SBK2: variants seen among roughly 807,000 people sequenced by gnomAD.
SBK2 encodes the protein serine/threonine-protein kinase SBK2.
SBK2 carries 18 observed loss-of-function variants against 15.9 expected under a neutral mutation model. The ratio of observed to expected loss-of-function variants is 1.13; its 90% CI spans 0.78 to 1.68. The LOEUF (loss-of-function observed/expected upper bound fraction) is 1.68, where lower values mean the gene tolerates loss of function less well. SBK2 is among the 40% of genes most tolerant of loss of function. SBK2 has a pLI of 0.00. For synonymous variants in SBK2, 284 were observed against 246.8 expected, an observed-to-expected ratio of 1.15 and a Z score of -1.41; for missense variants, 581 against 510.9, an observed-to-expected ratio of 1.14 and a Z score of -1.32.
Position 55,529,935 on chromosome 19 carries a change from G to A in SBK2, c.845C>T (p.Ala282Val), listed in dbSNP as rs186998770. The stretch of plus-strand genomic sequence containing the variant: ...AGGGCGGTCCCGGGGCTGGCCCGAC[G>A]CCTGCCAGATGAGGAAGTCCTCGTA... ...PFYEDFLIWQ[A>V]SGQPRDRPQP... The change falls in exon 4 of 4, where the codon GCG becomes GTG. Residue 282 changes from alanine to valine, a missense_variant. Physicochemically the swap from Ala to Val is moderately conservative, Grantham distance 64. Coordinates refer to ENST00000413299, the MANE Select transcript of SBK2 (RefSeq NM_001370096.2). 5.2e-6 allele frequency: 8 copies of A among 1,525,504 alleles called. No homozygotes were observed. The Admixed American group carries it at 1.3e-4, about 25-fold the overall frequency. The allele number at this position is 1,525,504 out of a possible 1,614,324, so 94.5% of individuals were successfully genotyped here.
intron 3 of SBK2, 85 bp downstream of exon 3, chr19:55,531,052 AGTGGCT>A: frequency 8.1e-7 from 1 of 1,232,260 alleles, no homozygotes; most frequent in Admixed American, 1.8e-5. Context: ...GGCCCAACGC[AGTGGCT>A]GTGGCTCCTG....
Position 55,536,220 on chromosome 19 carries a change from G to T in SBK2, c.75C>A (p.Gly25=), listed in dbSNP as rs200266213. The change falls in exon 2 of 4, where the codon GGC becomes GGA. Residue 25 remains glycine, a synonymous_variant. Transcript: ENST00000413299. ...GCTGGAGCTCCTCTAATGTCAGGCC[G>T]CCCAGACCCTCCTCCTCGCTGTCCT... ...ASEDSEEEGL[G]GLTLEELQQG... 7 of 1,605,656 alleles carry T rather than the reference G, an allele frequency of 4.4e-6. No individual in the cohort carries two copies. In the South Asian group the frequency reaches 6.7e-5, roughly 15 times the overall value.
chr19:55,534,014 G>A (rs1358454028), intron 2 of SBK2, among the ~76,000 whole-genome samples: 1 of 152,206 alleles, frequency 6.6e-6, no homozygotes, highest in African/African-American at 2.4e-5. Flanking sequence ...CATGCCTCCG[G>A]CTTTGTGAGC....
Position 55,529,928 on chromosome 19 carries a change from G to C in SBK2, c.852C>G (p.Gly284=). The change falls in exon 4 of 4, where the codon GGC becomes GGG. Residue 284 remains glycine, a synonymous_variant. Transcript: ENST00000413299. ...AGGGCTGAGGGCGGTCCCGGGGCTG[G>C]CCCGACGCCTGCCAGATGAGGAAGT... ...YEDFLIWQAS[G]QPRDRPQPWF... 6.5e-7 allele frequency: 1 copy of C among 1,529,958 alleles called. No individual in the cohort carries two copies. Among genetic ancestry groups the C allele is most frequent in the Non-Finnish European group, 8.8e-7 (1 of 1,141,716 alleles). 94.8% of individuals were successfully genotyped at this position (1,529,958 alleles called of 1,614,324 possible).
rs1264179780 is a variant in SBK2 at position 55,530,684 on chromosome 19, T to C, written c.457-361A>G. The stretch of plus-strand genomic sequence containing the variant: ...TGACCCCGTGAGGCCTAGTGTGACC[T>C]GTGAGGCCTGTGGGTTTAGTGGGGC... On this transcript the variant is annotated intron_variant, in intron 3 of 3. Coordinates refer to ENST00000413299, the MANE Select transcript of SBK2 (RefSeq NM_001370096.2). Among the ~76,000 whole-genome samples the C allele has an allele frequency of 1.3e-4, 2 of 14,976 alleles. 1 individual carries two copies. Among genetic ancestry groups the C allele is most frequent in the African/African-American group, 2.6e-4 (2 of 7,760 alleles). The allele number at this position is 14,976 out of a possible 152,430, so 9.8% of individuals were successfully genotyped here. A position where few individuals can be genotyped will look rare whatever the true frequency, so the allele number is the denominator to read the frequency against.
intron 2 of SBK2, among the ~76,000 whole-genome samples, chr19:55,531,944 A>G (rs1441666243): frequency 1.3e-5 from 2 of 148,558 alleles, no homozygotes; most frequent in African/African-American, 2.5e-5. Context: ...GCGCCACTGC[A>G]CTCCAGCCTG....
rs1988177600 is a variant in SBK2, at chr19:55,529,082, C to A, written c.*651G>T. ...GCCTGAGCAACACAGCAAGACCCGC[C>A]CCCAACCATCTTTTTAAAAAGTTAA... On this transcript the variant is annotated 3_prime_UTR_variant, in exon 4 of 4. Coordinates refer to ENST00000413299, the MANE Select transcript of SBK2 (RefSeq NM_001370096.2). 6.6e-6 allele frequency among the ~76,000 whole-genome samples: 1 copy of A among 151,670 alleles called. No individual in the cohort carries two copies. Among genetic ancestry groups the A allele is most frequent in the Admixed American group, 6.6e-5 (1 of 15,252 alleles).
At chr19:55,533,691 A>G in intron 2 of SBK2, among the ~76,000 whole-genome samples, 1 of 142,596 alleles carries the variant, frequency 7.0e-6, no homozygotes, top group South Asian at 2.3e-4. Flanking sequence ...AAAAAAAAAA[A>G]AAAAAAAGAA....
At chr19:55,532,835 A>G (rs979979962) in intron 2 of SBK2, among the ~76,000 whole-genome samples, 4 of 151,902 alleles carry the variant, frequency 2.6e-5, no homozygotes, top group Non-Finnish European at 5.9e-5. Flanking sequence ...TTTTAAAAAA[A>G]ATTTGTAGAG....
rs868487751 is a variant in SBK2, at chr19:55,528,731, C to T, written c.*1002G>A. 3.3e-5 allele frequency among the ~76,000 whole-genome samples: 5 copies of T among 152,066 alleles called. No individual in the cohort carries two copies. The highest frequency in any genetic ancestry group is 5.9e-5 in the Non-Finnish European group (4 of 68,012). On this transcript the variant is annotated 3_prime_UTR_variant, in exon 4 of 4. Coordinates refer to ENST00000413299, the MANE Select transcript of SBK2 (RefSeq NM_001370096.2). ...GGCCGGAGAGAAGGAGAGAGGACGG[C>T]GGGAGGACAGGGACGGAGGGGAGGC...
rs1988212180 is a variant in SBK2 at position 55,530,066 on chromosome 19, C to G, written c.714G>C (p.Leu238=). ...LCAPPPLPEG[L]PIQPALDAWA... is the part of the protein sequence containing the mutation. ...AGGCGTCCAGGGCGGGCTGAATGGG[C>G]AGGCCCTCGGGGAGCGGCGGGGGCG... Residue 238 remains leucine (L), a synonymous_variant, in exon 4 of 4, where the codon CTG becomes CTC. Transcript: ENST00000413299. 1 of 1,453,286 alleles carries G rather than the reference C, an allele frequency of 6.9e-7. No homozygotes were observed. The highest frequency in any genetic ancestry group is 1.5e-5 in the African/African-American group (1 of 67,322). The allele number at this position is 1,453,286 out of a possible 1,614,324, so 90.0% of individuals were successfully genotyped here. A position where few individuals can be genotyped will look rare whatever the true frequency, so the allele number is the denominator to read the frequency against.
At chr19:55,532,147 G>A (rs977941962) in intron 2 of SBK2, among the ~76,000 whole-genome samples, 5 of 152,098 alleles carry the variant, frequency 3.3e-5, no homozygotes, top group South Asian at 2.1e-4. Context: ...CAGCAAACTC[G>A]TGTTTGAGGC....
At chr19:55,531,612 G>A (rs1392929327) in intron 2 of SBK2, among the ~76,000 whole-genome samples, 2 of 152,372 alleles carry the variant, frequency 1.3e-5, no homozygotes, top group Admixed American at 6.5e-5. Context: ...CAGAGACCGA[G>A]GTGGGAGGAT....
chr19:55,533,659 CAAAAAAAAAAAAAAAAAAAAAAAAAA>C (rs71181785), intron 2 of SBK2, among the ~76,000 whole-genome samples: 2 of 33,910 alleles, frequency 5.9e-5, no homozygotes, highest in Non-Finnish European at 4.5e-5. Context: ...GACTCCGTCT[CAAAAAAAAAAAAAAAAAAAAAAAAAA>C]AAAAAAAAAA....
rs755831168 is a variant in SBK2, at chr19:55,530,166, C to A, written c.614G>T (p.Gly205Val). ...ACRRFKLTDF[G>V]HTRPRGTLLR... ...CAGCGTCCCGCGAGGCCTCGTGTGGCCGAAGTCGGTCAGCTTGAAGCGCCG... is the reference window on the plus strand; with the variant it reads ...CAGCGTCCCGCGAGGCCTCGTGTGGACGAAGTCGGTCAGCTTGAAGCGCCG... Residue 205 changes from glycine (G) to valine (V), a missense_variant, in exon 4 of 4, where the codon GGC becomes GTC. Transcript: ENST00000413299. 40 of 1,523,874 alleles carry A rather than the reference C, an allele frequency of 2.6e-5. No individual in the cohort carries two copies. Among genetic ancestry groups the A allele is most frequent in the Non-Finnish European group, 3.4e-5 (39 of 1,136,776 alleles). The allele number at this position is 1,523,874 out of a possible 1,614,324, so 94.4% of individuals were successfully genotyped here.
chr19:55,536,890 G>C (rs888201081), intron 1 of SBK2, among the ~76,000 whole-genome samples, 164 bp downstream of exon 1: 1 of 151,416 alleles, frequency 6.6e-6, no homozygotes, highest in Non-Finnish European at 1.5e-5. Flanking sequence ...CCCTGATTCT[G>C]TTTCCCTCAC....
chr19:55,536,573 C>T (rs1421736881), intron 1 of SBK2, among the ~76,000 whole-genome samples: 2 of 150,016 alleles, frequency 1.3e-5, no homozygotes, highest in Non-Finnish European at 3.0e-5. Flanking sequence ...CATCTTGTTT[C>T]CAAAGCAAAC....
intron 2 of SBK2, among the ~76,000 whole-genome samples, chr19:55,535,567 T>C (rs1330609437): frequency 6.6e-6 from 1 of 151,982 alleles, no homozygotes; most frequent in Admixed American, 6.6e-5. Flanking sequence ...GGCAAGGGAG[T>C]TCCTCAAAAC....
In SBK2 at chr19:55,531,185, C is replaced by G. The variant is rs1988250195; in HGVS notation, c.414G>C (p.Glu138Asp). ...ESAHSYSFLT[E>D]PVLHGDLMAF... ...CCATGAGGTCCCCGTGCAGGACGGG[C>G]TCCGTCAGGAAGCTGTAGGAGTGTG... The change falls in exon 3 of 4, where the codon GAG becomes GAC. Residue 138 changes from glutamate to aspartate, a missense_variant. Coordinates refer to ENST00000413299, the MANE Select transcript of SBK2 (RefSeq NM_001370096.2). 6.2e-7 allele frequency: 1 copy of G among 1,613,070 alleles called. No individual in the cohort carries two copies. Among genetic ancestry groups the G allele is most frequent in the Non-Finnish European group, 8.5e-7 (1 of 1,179,974 alleles).
Sources: allele counts gnomAD v4.1 joint callset (sites outside exome capture counted in the v4.1 genomes callset), GRCh38; gene constraint gnomAD v4.1.1; transcripts MANE v1.5; gene names NCBI Gene and HGNC (gene_info 2026-07-23, HGNC 2026-07-21).